The following PUM2 variants were observed in gnomAD, a reference collection of about 807,000 sequenced individuals.
The protein encoded by PUM2 is pumilio RNA binding family member 2.
A neutral mutation model predicts 124.5 loss-of-function variants in PUM2; 57 were observed. The ratio of observed to expected loss-of-function variants is 0.46; its 90% CI spans 0.37 to 0.57. The LOEUF is 0.57. Ranked by LOEUF, PUM2 falls within the 20% of genes least tolerant of loss-of-function variation. The probability of loss-of-function intolerance (pLI) is 0.00; values close to 1 mark genes in which losing one functional copy is unlikely to be tolerated. For missense variants in PUM2, 1,065 were observed against 1,290.6 expected, an observed-to-expected ratio of 0.83 and a Z score of 2.68; for synonymous variants, 460 against 446.1, an observed-to-expected ratio of 1.03 and a Z score of -0.39.
At chr2:20,302,163 T>C (rs1677141521) in intron 7 of PUM2, among the ~76,000 whole-genome samples, 1 of 152,202 alleles carries the variant, frequency 6.6e-6, no homozygotes, top group Admixed American at 6.5e-5. Flanking sequence ...TGTTCCCGCC[T>C]CAACCTCCAG....
chr2:20,340,901 C>G (rs1327123498), intron 1 of PUM2, among the ~76,000 whole-genome samples: 1 of 152,184 alleles, frequency 6.6e-6, no homozygotes, highest in African/African-American at 2.4e-5. Flanking sequence ...ACAACAATGC[C>G]TCCCTCATAG....
intron 18 of PUM2, 87 bp downstream of exon 18, chr2:20,255,115 CTCTTGTCTATAGTG>C: frequency 6.8e-7 from 1 of 1,471,362 alleles, no homozygotes; most frequent in Non-Finnish European, 9.3e-7. Context: ...TTTTGTCTCA[CTCTTGTCTATAGTG>C]TGTTTAGTAA....
chr2:20,263,558 T>A, intron 13 of PUM2, 98 bp from the exon 14 acceptor site: 1 of 1,353,100 alleles, frequency 7.4e-7, no homozygotes. Flanking sequence ...AAGAAATATT[T>A]CCCCCCACTA....
intron 3 of PUM2, among the ~76,000 whole-genome samples, chr2:20,315,836 C>CAAAA (rs60828412): frequency 2.1e-3 from 152 of 71,868 alleles, no homozygotes; most frequent in Non-Finnish European, 2.5e-3. Flanking sequence ...AACCTGGTCT[C>CAAAA]AAAAAAAAAA....
chr2:20,342,293 T>C (rs1469174223), intron 1 of PUM2, among the ~76,000 whole-genome samples: 1 of 152,196 alleles, frequency 6.6e-6, no homozygotes, highest in Non-Finnish European at 1.5e-5. Flanking sequence ...GTGCTCCTTA[T>C]TCACCAACTC....
intron 1 of PUM2, 153 bp downstream of exon 1, chr2:20,350,444 C>T (rs1188678030): frequency 1.0e-6 from 1 of 970,290 alleles, no homozygotes; most frequent in Non-Finnish European, 1.2e-6. Flanking sequence ...ATTGTGCGAG[C>T]GGGCCCCAGG....
chr2:20,324,133 T>C (rs1683095360), intron 2 of PUM2, among the ~76,000 whole-genome samples: 2 of 152,154 alleles, frequency 1.3e-5, no homozygotes, highest in Non-Finnish European at 1.5e-5. Flanking sequence ...AGAGCTTATA[T>C]TAAAGCAAGA....
intron 16 of PUM2, among the ~76,000 whole-genome samples, 197 bp from the exon 17 acceptor site, chr2:20,256,367 T>C (rs938959041): frequency 3.3e-5 from 5 of 152,300 alleles, no homozygotes; most frequent in African/African-American, 1.2e-4. Context: ...TTTTCTCTTG[T>C]AGTATAATTA....
intron 1 of PUM2, among the ~76,000 whole-genome samples, chr2:20,340,827 A>G (rs987474148): frequency 1.3e-5 from 2 of 152,234 alleles, no homozygotes; most frequent in African/African-American, 2.4e-5. Context: ...CCAAGAATAC[A>G]GTTCCAGGTT....
intron 3 of PUM2, among the ~76,000 whole-genome samples, chr2:20,315,859 CAAACCAA>C (rs1680806694): frequency 1.1e-5 from 1 of 93,952 alleles, no homozygotes. Context: ...AAAAAAAAAA[CAAACCAA>C]AAAACAAAGA....
chr2:20,306,480 AT>A (rs1474447540), intron 7 of PUM2, among the ~76,000 whole-genome samples: 1 of 152,176 alleles, frequency 6.6e-6, no homozygotes, highest in Admixed American at 6.5e-5. Context: ...GTAGCAGTAC[AT>A]TTCTAACATA....
At chr2:20,313,363 T>C (rs1247931507) in intron 3 of PUM2, among the ~76,000 whole-genome samples, 2 of 152,122 alleles carry the variant, frequency 1.3e-5, no homozygotes. Flanking sequence ...CATTTGGCAA[T>C]AAACATATAA....
At chr2:20,348,275 T>C (rs1320104338) in intron 1 of PUM2, among the ~76,000 whole-genome samples, 12 of 152,124 alleles carry the variant, frequency 7.9e-5, no homozygotes, top group Admixed American at 7.9e-4. Flanking sequence ...CACCTGTTAG[T>C]AAAATGGTCT....
chr2:20,297,511 T>C (rs773691084), intron 8 of PUM2, 42 bp downstream of exon 8: 79 of 1,475,292 alleles, frequency 5.4e-5, no homozygotes, highest in Non-Finnish European at 7.1e-5. Context: ...ACTAAATACA[T>C]TAAAAAGCAA....
intron 1 of PUM2, among the ~76,000 whole-genome samples, chr2:20,337,313 TG>T (rs1406985201): frequency 2.0e-5 from 3 of 152,188 alleles, no homozygotes; most frequent in Admixed American, 6.5e-5. Flanking sequence ...GGATTGGGTT[TG>T]TTTTTTGTAA....
Position 20,251,816 on chromosome 2 carries a change from A to G in PUM2, c.3064-100T>C, listed in dbSNP as rs1316634656. On this transcript the variant is annotated intron_variant, in intron 20 of 20. Coordinates refer to ENST00000361078, the MANE Select transcript of PUM2 (RefSeq NM_015317.5). Reference sequence around the variant, plus strand: ...CTGGGTAATTTAGAGGAATAACTGCAATTAAAAAAAATTTAAATCCAAAGA... The same window carrying G: ...CTGGGTAATTTAGAGGAATAACTGCGATTAAAAAAAATTTAAATCCAAAGA... 3 of 1,371,450 alleles carry G rather than the reference A, an allele frequency of 2.2e-6. No homozygotes were observed. The African/African-American group carries it at 4.4e-5, about 20-fold the overall frequency. 85.0% of individuals were successfully genotyped at this position (1,371,450 alleles called of 1,614,324 possible). A position where few individuals can be genotyped will look rare whatever the true frequency, so the allele number is the denominator to read the frequency against.
At chr2:20,263,062 T>C (rs1338659834) in intron 14 of PUM2, 131 bp downstream of exon 14, 19 of 785,324 alleles carry the variant, frequency 2.4e-5, no homozygotes, top group Non-Finnish European at 3.7e-5. Context: ...AAAAAACATA[T>C]AATCCATATT....
intron 12 of PUM2, 97 bp from the exon 13 acceptor site, chr2:20,278,916 T>C: frequency 1.2e-6 from 1 of 843,756 alleles, no homozygotes. Flanking sequence ...GTGATCACAA[T>C]AATTATTTTT....
intron 13 of PUM2, among the ~76,000 whole-genome samples, chr2:20,268,508 C>G (rs947763907): frequency 3.9e-5 from 6 of 152,212 alleles, no homozygotes; most frequent in Non-Finnish European, 8.8e-5. Flanking sequence ...GTCCCAGCTA[C>G]TCGGGAGGCT....
Sources: allele counts gnomAD v4.1 joint callset (sites outside exome capture counted in the v4.1 genomes callset), GRCh38; gene constraint gnomAD v4.1.1; transcripts MANE v1.5; gene names NCBI Gene and HGNC (gene_info 2026-07-23, HGNC 2026-07-21).